The following ATXN8OS variants were observed in gnomAD, a reference collection of about 807,000 sequenced individuals.
ATXN8OS encodes the protein ATXN8 opposite strand (non-protein coding).
chr13:70,162,546 G>T (rs1889021673), intron 4 of ATXN8OS, among the ~76,000 whole-genome samples: 1 of 152,042 alleles, frequency 6.6e-6, no homozygotes, highest in African/African-American at 2.4e-5. Context: ...GATGAAAAAT[G>T]GGAGGAAGAG....
chr13:70,131,977 C>G (rs536373642), intron 3 of ATXN8OS, among the ~76,000 whole-genome samples: 1 of 152,092 alleles, frequency 6.6e-6, no homozygotes, highest in East Asian at 1.9e-4. Flanking sequence ...ATGGCACATA[C>G]CTATATGTGT....
intron 3 of ATXN8OS, chr13:70,139,347 G>A: frequency 1.6e-6 from 1 of 628,338 alleles, no homozygotes; most frequent in Admixed American, 2.5e-5. Flanking sequence ...TAGAAAACCT[G>A]GCTTTACTAC....
At chr13:70,137,743 G>C (rs909789568) in intron 3 of ATXN8OS, among the ~76,000 whole-genome samples, 6 of 152,114 alleles carry the variant, frequency 3.9e-5, no homozygotes, top group Non-Finnish European at 8.8e-5. Context: ...TGTGATATTT[G>C]CAATAAAATG....
chr13:70,124,750 TC>T (rs1328386056), intron 2 of ATXN8OS, among the ~76,000 whole-genome samples: 1 of 152,102 alleles, frequency 6.6e-6, no homozygotes, highest in Non-Finnish European at 1.5e-5. Context: ...ACTATTTTTT[TC>T]AACCACTAAT....
intron 3 of ATXN8OS, chr13:70,131,002 G>GACCGAGTAAGAAC: frequency 2.5e-6 from 1 of 398,454 alleles, no homozygotes; most frequent in Admixed American, 4.4e-5. Context: ...ACACTGAATT[G>GACCGAGTAAGAAC]ACTGAATATC....
intron 3 of ATXN8OS, among the ~76,000 whole-genome samples, chr13:70,146,864 T>C (rs1336650209): frequency 2.0e-5 from 3 of 152,134 alleles, no homozygotes. Context: ...TGTATACATA[T>C]GTAACTAACG....
intron 3 of ATXN8OS, chr13:70,139,514 T>A: frequency 1.9e-6 from 1 of 526,738 alleles, no homozygotes; most frequent in South Asian, 3.3e-5. Flanking sequence ...ACTGCTTATC[T>A]CTTACTTAAG....
intron 3 of ATXN8OS, among the ~76,000 whole-genome samples, chr13:70,130,251 T>C (rs980841421): frequency 2.6e-5 from 4 of 152,132 alleles, no homozygotes; most frequent in Admixed American, 2.6e-4. Context: ...TTTTCCAGCT[T>C]TGAATCATTA....
At chr13:70,157,626 A>C (rs1308901421) in intron 4 of ATXN8OS, among the ~76,000 whole-genome samples, 1 of 151,966 alleles carries the variant, frequency 6.6e-6, no homozygotes, top group Non-Finnish European at 1.5e-5. Flanking sequence ...CTGAGTGTGG[A>C]GCTCATTCTC....
intron 3 of ATXN8OS, chr13:70,139,383 A>T (rs4296152): frequency 2.2e-6 from 1 of 455,722 alleles, no homozygotes; most frequent in Non-Finnish European, 3.7e-6. Context: ...TACTACTACT[A>T]CTGCTGCTGC....
chr13:70,171,446 T>C (rs1341952992), exon 5 of ATXN8OS, among the ~76,000 whole-genome samples: 2 of 152,132 alleles, frequency 1.3e-5, no homozygotes, highest in Non-Finnish European at 2.9e-5. Context: ...GGTGAATGGA[T>C]GTGATGGCCT....
chr13:70,148,933 T>G (rs1048429915), intron 4 of ATXN8OS, among the ~76,000 whole-genome samples: 2 of 152,174 alleles, frequency 1.3e-5, no homozygotes, highest in African/African-American at 4.8e-5. Flanking sequence ...AATAACATTC[T>G]ATAATTTGCT....
chr13:70,142,229 A>C (rs1008875900), intron 3 of ATXN8OS, among the ~76,000 whole-genome samples: 2 of 152,222 alleles, frequency 1.3e-5, no homozygotes, highest in Non-Finnish European at 2.9e-5. Context: ...TGTTTCTAGT[A>C]TAAGTCTGTG....
At chr13:70,137,705 T>C (rs1397162248) in intron 3 of ATXN8OS, among the ~76,000 whole-genome samples, 1 of 152,208 alleles carries the variant, frequency 6.6e-6, no homozygotes, top group African/African-American at 2.4e-5. Flanking sequence ...ATAAGGACCC[T>C]GAGAATTATC....
intron 2 of ATXN8OS, among the ~76,000 whole-genome samples, chr13:70,129,493 A>C (rs1022289831): frequency 3.3e-5 from 5 of 151,942 alleles, no homozygotes; most frequent in Admixed American, 6.6e-5. Context: ...AACTCCCTCT[A>C]TGCAGATATA....
At chr13:70,155,841 T>C (rs1216089994) in intron 4 of ATXN8OS, among the ~76,000 whole-genome samples, 1 of 152,030 alleles carries the variant, frequency 6.6e-6, no homozygotes, top group Non-Finnish European at 1.5e-5. Flanking sequence ...CTTAACTTTC[T>C]GTCATATATT....
intron 4 of ATXN8OS, among the ~76,000 whole-genome samples, chr13:70,157,582 T>C (rs1888953635): frequency 6.6e-6 from 1 of 151,988 alleles, no homozygotes; most frequent in Admixed American, 6.6e-5. Flanking sequence ...CACTCTTAGA[T>C]CTCTCACTCT....
chr13:70,124,463 A>G (rs1888400901), intron 2 of ATXN8OS, among the ~76,000 whole-genome samples: 1 of 152,152 alleles, frequency 6.6e-6, no homozygotes, highest in Admixed American at 6.6e-5. Context: ...ACAATCAAGA[A>G]AAAGCCTGAA....
chr13:70,112,078 C>T (rs1888204752), intron 1 of ATXN8OS, among the ~76,000 whole-genome samples: 2 of 152,202 alleles, frequency 1.3e-5, no homozygotes, highest in South Asian at 4.1e-4. Flanking sequence ...TGGCAGAAGG[C>T]AAAGGGGAAG....
Sources: gnomAD v4.1 joint callset for allele counts (sites outside exome capture counted in the v4.1 genomes callset) on GRCh38, gnomAD v4.1.1 for gene constraint, MANE v1.5 for transcripts, NCBI Gene and HGNC (gene_info 2026-07-23, HGNC 2026-07-21) for gene names.